Variants in POF1B observed in about 807,000 individuals in gnomAD.
POF1B encodes protein POF1B.
POF1B carries 53 observed loss-of-function variants against 55.3 expected under a neutral mutation model. The ratio of observed to expected loss-of-function variants is 0.96; its 90% CI spans 0.77 to 1.20. The LOEUF (loss-of-function observed/expected upper bound fraction) is 1.20, where lower values mean the gene tolerates loss of function less well. Ranked by LOEUF, POF1B falls within the 50% of genes most tolerant of loss-of-function variation. The pLI is 0.00. For synonymous variants in POF1B, 188 were observed against 148.3 expected, an observed-to-expected ratio of 1.27 and a Z score of -1.95; for missense variants, 478 against 420.5, an observed-to-expected ratio of 1.14 and a Z score of -1.20.
intron 13 of POF1B, 128 bp downstream of exon 13, chrX:85,305,663 T>C (rs1932554518): frequency 3.0e-6 from 2 of 669,753 alleles, no homozygotes; most frequent in South Asian, 7.7e-5. Flanking sequence ...AACAAATGAA[T>C]ACATGACATA....
At chrX:85,317,926 G>A (rs776204721) in intron 7 of POF1B, among the ~76,000 whole-genome samples, 19 of 111,671 alleles carry the variant, frequency 1.7e-4, no homozygotes, top group Non-Finnish European at 3.4e-4. Flanking sequence ...GCAGGGACAT[G>A]GATGGAGCTG....
chrX:85,367,808 G>A, intron 2 of POF1B, 42 bp from the exon 3 acceptor site: 6 of 875,194 alleles, frequency 6.9e-6, no homozygotes, highest in Non-Finnish European at 8.1e-6. Context: ...TTATTTGAAA[G>A]TCTTAAGTTC....
intron 15 of POF1B, among the ~76,000 whole-genome samples, chrX:85,299,921 G>C (rs1009926063): frequency 8.9e-6 from 1 of 112,672 alleles, no homozygotes; most frequent in Admixed American, 9.3e-5. Context: ...TGATTTGTCT[G>C]TTGATTCTGT....
intron 15 of POF1B, among the ~76,000 whole-genome samples, chrX:85,289,675 A>C (rs1430303447): frequency 1.8e-5 from 2 of 111,844 alleles, no homozygotes; most frequent in Non-Finnish European, 3.8e-5. Context: ...ACAAAAAACC[A>C]AGATAAAAAA....
chrX:85,356,010 A>T (rs1293400446), intron 4 of POF1B, among the ~76,000 whole-genome samples: 3 of 111,419 alleles, frequency 2.7e-5, no homozygotes, highest in Admixed American at 1.9e-4. Flanking sequence ...ACATGCACAC[A>T]TATGTTTATT....
chrX:85,284,208 A>G (rs1017838938), intron 15 of POF1B, among the ~76,000 whole-genome samples: 2 of 111,718 alleles, frequency 1.8e-5, no homozygotes, highest in Non-Finnish European at 3.8e-5. Flanking sequence ...AAGAATCAAT[A>G]TCGTGAAAAT....
At chrX:85,371,026 G>A (rs991489930) in intron 2 of POF1B, among the ~76,000 whole-genome samples, 3 of 111,604 alleles carry the variant, frequency 2.7e-5, no homozygotes, top group Admixed American at 9.5e-5. Flanking sequence ...AATTGAAGGC[G>A]ATAATGGGGT....
intron 15 of POF1B, among the ~76,000 whole-genome samples, chrX:85,297,037 A>T (rs1191892521): frequency 8.9e-6 from 1 of 111,767 alleles, no homozygotes; most frequent in East Asian, 2.8e-4. Context: ...TTCAAAATGT[A>T]TTAGGTAATT....
chrX:85,360,580 A>C (rs1415047606), intron 3 of POF1B, among the ~76,000 whole-genome samples: 1 of 85,628 alleles, frequency 1.2e-5, no homozygotes, highest in African/African-American at 6.1e-5. Context: ...CATTTTCTTT[A>C]TCCAATCTGT....
intron 4 of POF1B, among the ~76,000 whole-genome samples, chrX:85,356,176 G>A (rs759031009): frequency 1.9e-3 from 213 of 110,160 alleles, no homozygotes; most frequent in African/African-American, 6.5e-3. Flanking sequence ...GGATGAAGCC[G>A]GAAACCATCA....
chrX:85,362,275 A>G (rs768129295), intron 3 of POF1B, among the ~76,000 whole-genome samples: 2 of 110,936 alleles, frequency 1.8e-5, no homozygotes, highest in East Asian at 5.7e-4. Context: ...GACTCCCAAT[A>G]CTATGTTGAA....
chrX:85,343,238 TAAAG>T (rs1385726545), intron 6 of POF1B, among the ~76,000 whole-genome samples: 1 of 109,986 alleles, frequency 9.1e-6, no homozygotes, highest in Admixed American at 9.7e-5. Flanking sequence ...TTAATAAAAT[TAAAG>T]AAAAAAATCC....
chrX:85,358,975 C>A (rs1933554848), intron 4 of POF1B, among the ~76,000 whole-genome samples: 1 of 110,976 alleles, frequency 9.0e-6, no homozygotes, highest in East Asian at 2.8e-4. Context: ...TGGAAAGAGG[C>A]TTATTAAGGT....
intron 2 of POF1B, among the ~76,000 whole-genome samples, chrX:85,372,473 G>A (rs1427350486): frequency 3.7e-5 from 4 of 108,649 alleles, no homozygotes; most frequent in Admixed American, 9.9e-5. Flanking sequence ...AGGAAACTCT[G>A]GTTTCCCTAG....
At chrX:85,323,657 A>C (rs1932865720) in intron 7 of POF1B, among the ~76,000 whole-genome samples, 1 of 111,173 alleles carries the variant, frequency 9.0e-6, no homozygotes, top group East Asian at 2.8e-4. Context: ...TCATTCTTTC[A>C]AGGAGCCACC....
chrX:85,282,323 G>A lies in POF1B; in HGVS notation c.1650-6C>T, dbSNP rs778331815. The A allele has an allele frequency of 1.3e-5, 14 of 1,091,686 alleles. No individual in the cohort carries two copies. Among genetic ancestry groups the A allele is most frequent in the Admixed American group, 8.7e-5 (3 of 34,527 alleles). 90.0% of individuals were successfully genotyped at this position (1,091,686 alleles called of 1,213,427 possible). A position where few individuals can be genotyped will look rare whatever the true frequency, so the allele number is the denominator to read the frequency against. ...TTGGATATTGTGTCCTGTACCTGTT[G>A]GCAAGAAAAGAGTTAGTTTACAGGC... On this transcript the variant is annotated splice_region_variant and splice_polypyrimidine_tract_variant and intron_variant, in intron 15 of 16. Transcript: ENST00000262753.
chrX:85,311,154 T>C (rs1932687187), intron 9 of POF1B, among the ~76,000 whole-genome samples: 1 of 111,684 alleles, frequency 9.0e-6, no homozygotes, highest in African/African-American at 3.3e-5. Flanking sequence ...AGATATAGCA[T>C]TGTAAGCAAA....
intron 2 of POF1B, among the ~76,000 whole-genome samples, chrX:85,378,666 T>C (rs1240860069): frequency 8.9e-6 from 1 of 111,978 alleles, no homozygotes; most frequent in African/African-American, 3.2e-5. Context: ...ATGAAACACA[T>C]ATGACAATTC....
intron 7 of POF1B, among the ~76,000 whole-genome samples, chrX:85,322,551 A>G (rs889034569): frequency 1.8e-5 from 2 of 112,100 alleles, no homozygotes; most frequent in Non-Finnish European, 3.8e-5. Context: ...CTTCATGTCT[A>G]AAACACCAAA....
Sources: allele counts gnomAD v4.1 joint callset (sites outside exome capture counted in the v4.1 genomes callset), GRCh38; gene constraint gnomAD v4.1.1; transcripts MANE v1.5; gene names NCBI Gene and HGNC (gene_info 2026-07-23, HGNC 2026-07-21).